Variants in STAU2 observed in about 807,000 individuals in gnomAD.
The protein encoded by STAU2 is staufen double-stranded RNA binding protein 2.
In STAU2, 20 loss-of-function variants were observed where a neutral mutation model predicts 65.9. The ratio of observed to expected loss-of-function variants is 0.30; its 90% confidence interval spans 0.21 to 0.44. The LOEUF is 0.44. Among genes scored for constraint, STAU2 ranks in the 20% least tolerant of loss-of-function variants. The probability of loss-of-function intolerance (pLI) is 1.00; values close to 1 mark genes in which losing one functional copy is unlikely to be tolerated. For missense variants in STAU2, 558 were observed against 683.9 expected, an observed-to-expected ratio of 0.82 and a Z score of 2.05; for synonymous variants, 232 against 233.9, an observed-to-expected ratio of 0.99 and a Z score of 0.07.
intron 3 of STAU2, among the ~76,000 whole-genome samples, chr8:73,735,055 T>A: frequency 6.6e-6 from 1 of 152,144 alleles, no homozygotes; most frequent in Non-Finnish European, 1.5e-5. Context: ...CACCCCAGCC[T>A]CCCAAGTAGC....
chr8:73,459,463 A>C (rs2128898831), intron 13 of STAU2, among the ~76,000 whole-genome samples: 1 of 152,322 alleles, frequency 6.6e-6, no homozygotes, highest in Non-Finnish European at 1.5e-5. Context: ...GCCATCTTGA[A>C]TGTCCAAACT....
intron 6 of STAU2, among the ~76,000 whole-genome samples, chr8:73,651,761 G>A (rs1283355888): frequency 6.6e-6 from 1 of 152,238 alleles, no homozygotes; most frequent in Non-Finnish European, 1.5e-5. Context: ...CTGGGGCCTG[G>A]TGTGCTCTGC....
At chr8:73,727,954 C>G (rs570845818) in intron 3 of STAU2, 4 of 152,276 alleles carry the variant, frequency 2.6e-5, no homozygotes, top group Non-Finnish European at 5.9e-5. Flanking sequence ...ATTTGCATCT[C>G]CCTGATCACT....
intron 13 of STAU2, among the ~76,000 whole-genome samples, chr8:73,529,892 TA>T (rs1388414432): frequency 6.6e-6 from 1 of 152,180 alleles, no homozygotes; most frequent in Non-Finnish European, 1.5e-5. Flanking sequence ...AAGCTCAAAA[TA>T]AAAAACCATA....
At position 73,420,467 on chromosome 8, in the gene STAU2, T is replaced by C. The variant is rs574677655; in HGVS notation, c.*905A>G. 19 of 283,696 alleles carry C rather than the reference T, an allele frequency of 6.7e-5. No individual in the cohort carries two copies. The highest frequency in any genetic ancestry group is 1.3e-4 in the Non-Finnish European group (18 of 139,990). The allele number at this position is 283,696 out of a possible 1,614,324, so 17.6% of individuals were successfully genotyped here. On this transcript the variant is annotated 3_prime_UTR_variant, in exon 15 of 15. Transcript: ENST00000524300. ...GCTGGCTGGAAGCAACTCCAACAGG[T>C]TTTTCCCTTCCCCGTCATGTACATT...
At chr8:73,454,811 C>T (rs1431602057) in intron 13 of STAU2, among the ~76,000 whole-genome samples, 2 of 152,202 alleles carry the variant, frequency 1.3e-5, no homozygotes, top group African/African-American at 4.8e-5. Context: ...TTAACACACA[C>T]AGATCATGGA....
At chr8:73,538,676 GA>G (rs60524962) in intron 13 of STAU2, among the ~76,000 whole-genome samples, 14,845 of 132,740 alleles carry the variant, frequency 0.11, 1,099 homozygotes, top group East Asian at 0.46. Context: ...CAGAGTTTTA[GA>G]AAAAAAAAAA....
At chr8:73,431,254 C>T (rs749734416) in intron 13 of STAU2, among the ~76,000 whole-genome samples, 3 of 152,172 alleles carry the variant, frequency 2.0e-5, no homozygotes, top group Non-Finnish European at 2.9e-5. Flanking sequence ...AAGATGTTTT[C>T]CTAGCAAATC....
chr8:73,550,316 C>T, intron 13 of STAU2: 1 of 983,376 alleles, frequency 1.0e-6, no homozygotes, highest in Non-Finnish European at 1.2e-6. Flanking sequence ...TACATGTTGA[C>T]TACAGTGAAG....
At chr8:73,657,363 C>CAGAAA (rs1414104065) in intron 6 of STAU2, among the ~76,000 whole-genome samples, 1 of 151,986 alleles carries the variant, frequency 6.6e-6, no homozygotes, top group African/African-American at 2.4e-5. Flanking sequence ...GCAAAGGGCC[C>CAGAAA]TTCTACTTGA....
intron 3 of STAU2, among the ~76,000 whole-genome samples, chr8:73,717,780 G>A (rs553052900): frequency 6.2e-5 from 9 of 146,336 alleles, no homozygotes; most frequent in Admixed American, 3.4e-4. Context: ...CTATTTTTAC[G>A]CCAAACTATT....
chr8:73,705,638 C>T (rs1467521399), intron 4 of STAU2, among the ~76,000 whole-genome samples: 1 of 152,114 alleles, frequency 6.6e-6, no homozygotes, highest in East Asian at 1.9e-4. Flanking sequence ...ATTACAATAA[C>T]TCCCATTATT....
intron 12 of STAU2, among the ~76,000 whole-genome samples, chr8:73,574,678 G>A (rs979565488): frequency 2.0e-5 from 3 of 152,162 alleles, no homozygotes; most frequent in Admixed American, 6.5e-5. Context: ...AACACTGCAT[G>A]TTCTCACTCA....
chr8:73,621,285 G>C (rs1245410640), intron 6 of STAU2, among the ~76,000 whole-genome samples: 1 of 152,120 alleles, frequency 6.6e-6, no homozygotes, highest in African/African-American at 2.4e-5. Flanking sequence ...ATAAGCGTCT[G>C]GCATTTCCCC....
chr8:73,474,161 C>CA (rs1000604592), intron 13 of STAU2, among the ~76,000 whole-genome samples: 3 of 151,984 alleles, frequency 2.0e-5, no homozygotes, highest in Middle Eastern at 3.4e-3. Context: ...AACAAAAAAA[C>CA]AAAAAAACCC....
chr8:73,459,002 C>T (rs911665088), intron 13 of STAU2, among the ~76,000 whole-genome samples: 21 of 152,202 alleles, frequency 1.4e-4, no homozygotes, highest in African/African-American at 5.1e-4. Flanking sequence ...CAACTCCCTA[C>T]AATGACTAAA....
At chr8:73,698,706 C>A (rs1228195365) in intron 4 of STAU2, among the ~76,000 whole-genome samples, 1 of 152,044 alleles carries the variant, frequency 6.6e-6, no homozygotes, top group Non-Finnish European at 1.5e-5. Context: ...ACAATAACAG[C>A]TGGAGACTTC....
chr8:73,745,689 C>G (rs1807218163), intron 1 of STAU2, among the ~76,000 whole-genome samples: 1 of 152,196 alleles, frequency 6.6e-6, no homozygotes. Context: ...TGGTAAATTC[C>G]CAGGTCTACC....
intron 13 of STAU2, among the ~76,000 whole-genome samples, chr8:73,508,207 T>C (rs1397846620): frequency 1.3e-5 from 2 of 152,220 alleles, no homozygotes; most frequent in Admixed American, 1.3e-4. Flanking sequence ...CCTCTCAGCT[T>C]ATGACATGCC....
Sources: allele counts gnomAD v4.1 joint callset (sites outside exome capture counted in the v4.1 genomes callset), GRCh38; gene constraint gnomAD v4.1.1; transcripts MANE v1.5; gene names NCBI Gene and HGNC (gene_info 2026-07-23, HGNC 2026-07-21).